Variants in DPYD observed in about 807,000 individuals in gnomAD.
DPYD encodes dihydropyrimidine dehydrogenase [NADP(+)].
In DPYD, 109 loss-of-function variants were observed where a neutral mutation model predicts 116.2. That is an observed-to-expected ratio of 0.94 (90% CI 0.80 to 1.10). The LOEUF (loss-of-function observed/expected upper bound fraction) is 1.10, where lower values mean the gene tolerates loss of function less well. DPYD is among the 50% of genes least tolerant of loss of function. The pLI is 0.00. For synonymous variants in DPYD, 440 were observed against 432.0 expected (o/e 1.02, Z -0.23); for missense variants, 1,302 against 1,254.5 (o/e 1.04, Z -0.57).
rs187733077 is a variant in DPYD at position 97,699,744 on chromosome 1, G to A, written c.484-197C>T. 2.6e-5 allele frequency among the ~76,000 whole-genome samples: 4 copies of A among 152,018 alleles called. No homozygotes were observed. The East Asian group carries it at 7.7e-4, about 29-fold the overall frequency. On this transcript the variant is annotated intron_variant, in intron 5 of 22. Coordinates refer to ENST00000370192, the MANE Select transcript of DPYD (RefSeq NM_000110.4). ...GCTAACTTTCAGTCTTTCCTTTCTA[G>A]AGTCATGCCTCCTCTAGGAAACACT...
At position 97,549,690 on chromosome 1, in the gene DPYD, T is replaced by C. The variant is rs1651170651; in HGVS notation, c.1394A>G (p.Asp465Gly). ...KFNRWGLPEV[D>G]PETMQTSEAW... Reference sequence around the variant, plus strand: ...TTCACTAGTTTGCATAGTTTCTGGATCTACTTCTGGGAGACCCCATCTGTT... The same window carrying C: ...TTCACTAGTTTGCATAGTTTCTGGACCTACTTCTGGGAGACCCCATCTGTT... Residue 465 changes from aspartate to glycine, a missense_variant, in exon 12 of 23, where the codon GAT becomes GGT. By Grantham distance (94) the Asp-to-Gly change is moderately conservative. Coordinates refer to ENST00000370192, the MANE Select transcript of DPYD (RefSeq NM_000110.4). 1 of 1,613,786 alleles carries C rather than the reference T, an allele frequency of 6.2e-7. No homozygotes were observed. The highest frequency in any genetic ancestry group is 1.3e-5 in the African/African-American group (1 of 74,912).
At chr1:97,853,351 A>G (rs953604385) in intron 2 of DPYD, among the ~76,000 whole-genome samples, 3 of 152,310 alleles carry the variant, frequency 2.0e-5, no homozygotes, top group South Asian at 2.1e-4. Flanking sequence ...TCTTCATTCA[A>G]TAAACTCTCT....
At chr1:97,843,781 G>A (rs1054429710) in intron 2 of DPYD, among the ~76,000 whole-genome samples, 4 of 152,066 alleles carry the variant, frequency 2.6e-5, no homozygotes, top group Non-Finnish European at 4.4e-5. Context: ...TACTTTTAGA[G>A]TTTATTCTAA....
intron 13 of DPYD, among the ~76,000 whole-genome samples, chr1:97,490,518 T>C (rs1483162614): frequency 6.7e-6 from 1 of 148,188 alleles, no homozygotes; most frequent in Non-Finnish European, 1.5e-5. Context: ...AATAATATAA[T>C]ATGTATTATT....
chr1:97,219,543 A>AT (rs1660648667), intron 19 of DPYD, among the ~76,000 whole-genome samples: 2 of 152,314 alleles, frequency 1.3e-5, no homozygotes, highest in Admixed American at 1.3e-4. Context: ...ATAAAGGCAC[A>AT]TTTTTGGGGC....
intron 20 of DPYD, among the ~76,000 whole-genome samples, chr1:97,171,130 A>C (rs1308888872): frequency 1.3e-5 from 2 of 152,202 alleles, no homozygotes; most frequent in African/African-American, 4.8e-5. Flanking sequence ...TATAACATAC[A>C]TGGGCAGAAT....
chr1:97,744,772 C>T (rs1664454094), intron 3 of DPYD, among the ~76,000 whole-genome samples: 1 of 151,936 alleles, frequency 6.6e-6, no homozygotes, highest in Admixed American at 6.6e-5. Context: ...TAGGAAAATA[C>T]ATAATTTAAT....
intron 4 of DPYD, among the ~76,000 whole-genome samples, chr1:97,729,115 A>G (rs1663439931): frequency 1.3e-5 from 2 of 152,132 alleles, no homozygotes; most frequent in Non-Finnish European, 2.9e-5. Flanking sequence ...CTATACATGT[A>G]AGGAAATTAA....
intron 1 of DPYD, among the ~76,000 whole-genome samples, chr1:97,906,197 A>G (rs1673609597): frequency 6.6e-6 from 1 of 152,062 alleles, no homozygotes; most frequent in South Asian, 2.1e-4. Flanking sequence ...ATTACTGGAT[A>G]TTGAGGTGAA....
chr1:97,704,117 C>T (rs1661763399), intron 5 of DPYD, among the ~76,000 whole-genome samples: 1 of 152,046 alleles, frequency 6.6e-6, no homozygotes, highest in Non-Finnish European at 1.5e-5. Flanking sequence ...CCCTTTAAAA[C>T]ATCAGCAACT....
chr1:97,790,478 T>C (rs946497656), intron 3 of DPYD, among the ~76,000 whole-genome samples: 3 of 152,194 alleles, frequency 2.0e-5, no homozygotes, highest in Non-Finnish European at 2.9e-5. Flanking sequence ...CAAACAAAAA[T>C]ACAATGTTTT....
chr1:97,531,362 T>C (rs181153399), intron 12 of DPYD, among the ~76,000 whole-genome samples: 1 of 152,336 alleles, frequency 6.6e-6, no homozygotes. Flanking sequence ...AATGTAACAT[T>C]TATTGAAGAG....
Position 97,236,496 on chromosome 1 carries a change from T to C in DPYD, c.2300-1502A>G, listed in dbSNP as rs185014761. Among the ~76,000 whole-genome samples the C allele has an allele frequency of 2.0e-4, 30 of 152,306 alleles. No homozygotes were observed. In the East Asian group the frequency reaches 4.0e-3, roughly 21 times the overall value. On this transcript the variant is annotated intron_variant, in intron 18 of 22. Coordinates refer to ENST00000370192, the MANE Select transcript of DPYD (RefSeq NM_000110.4). ...TAGATAGCATATGATTCCAACTATA[T>C]GACATTCTGGAAAAGGAAAAACTGT...
intron 14 of DPYD, among the ~76,000 whole-genome samples, chr1:97,382,726 C>T (rs1386959179): frequency 1.3e-5 from 2 of 152,120 alleles, no homozygotes; most frequent in African/African-American, 4.8e-5. Flanking sequence ...TGATCCTCAG[C>T]ATTCTCTTTT....
chr1:97,790,299 CT>C (rs1667250840), intron 3 of DPYD, among the ~76,000 whole-genome samples: 1 of 152,142 alleles, frequency 6.6e-6, no homozygotes, highest in African/African-American at 2.4e-5. Context: ...AGAAAAGTTG[CT>C]GCTAAAAGAG....
chr1:97,879,675 T>C (rs111628964), intron 2 of DPYD, among the ~76,000 whole-genome samples: 2,566 of 152,036 alleles, frequency 0.017, 76 homozygotes, highest in African/African-American at 0.058. Flanking sequence ...AAGATATTCC[T>C]GGGCAATAAT....
chr1:97,195,569 CAT>C lies in DPYD; in HGVS notation c.2443-2323_2443-2322del, dbSNP rs1200424384. Among the ~76,000 whole-genome samples, 359 of 37,378 alleles carry C rather than the reference CAT, an allele frequency of 9.6e-3. 21 individuals are homozygous for C. The highest frequency in any genetic ancestry group is 0.045 in the East Asian group (16 of 356). 24.5% of individuals were successfully genotyped at this position (37,378 alleles called of 152,430 possible). ...GAGAGAGAGAGAGAGACAGAACTCT[CAT>C]ATATATATATATATATATATATATG... On this transcript the variant is annotated intron_variant, in intron 19 of 22. Transcript: ENST00000370192.
intron 2 of DPYD, among the ~76,000 whole-genome samples, chr1:97,857,454 G>A (rs910444827): frequency 6.6e-6 from 1 of 152,168 alleles, no homozygotes; most frequent in Non-Finnish European, 1.5e-5. Flanking sequence ...GATGGGAAAA[G>A]GAGCTGAAGG....
chr1:97,468,140 T>A (rs928512849), intron 13 of DPYD, among the ~76,000 whole-genome samples: 8 of 152,172 alleles, frequency 5.3e-5, no homozygotes, highest in Admixed American at 3.9e-4. Flanking sequence ...CAATAAAAAA[T>A]TATTTATGGA....
Sources: gnomAD v4.1 joint callset for allele counts (sites outside exome capture counted in the v4.1 genomes callset) on GRCh38, gnomAD v4.1.1 for gene constraint, MANE v1.5 for transcripts, NCBI Gene and HGNC (gene_info 2026-07-23, HGNC 2026-07-21) for gene names.